The following COL12A1 variants were observed in gnomAD, a reference collection of about 807,000 sequenced individuals.
COL12A1 encodes collagen type XII alpha 1 chain, also known as collagen alpha-1(XII) chain.
In COL12A1, 114 loss-of-function variants were observed where a neutral mutation model predicts 349.7. The ratio of observed to expected loss-of-function variants is 0.33; its 90% CI spans 0.28 to 0.38. The LOEUF (loss-of-function observed/expected upper bound fraction) is 0.38, where lower values mean the gene tolerates loss of function less well. COL12A1 is among the 10% of genes least tolerant of loss of function. The pLI is 1.00. For synonymous variants in COL12A1, 1,369 were observed against 1,329.0 expected (o/e 1.03, Z -0.66); for missense variants, 3,284 against 3,756.9 (o/e 0.87, Z 3.29).
chr6:75,151,265 G>C lies in COL12A1; in HGVS notation c.4023C>G (p.Val1341=). Reference sequence around the variant, plus strand: ...GATCAGTTGCAATCATCTTTAATTCGACTTCATCAGCATTTTTAATACCTT... The same window carrying C: ...GATCAGTTGCAATCATCTTTAATTCCACTTCATCAGCATTTTTAATACCTT... ...FAIGIKNADE[V]ELKMIATDPD... Residue 1341 remains valine (V), a synonymous_variant, in exon 21 of 66, where the codon GTC becomes GTG. Coordinates refer to ENST00000322507, the MANE Select transcript of COL12A1 (RefSeq NM_004370.6). The C allele has an allele frequency of 1.2e-6, 2 of 1,612,798 alleles. No homozygotes were observed. Among genetic ancestry groups the C allele is most frequent in the Non-Finnish European group, 1.7e-6 (2 of 1,179,284 alleles).
intron 31 of COL12A1, among the ~76,000 whole-genome samples, chr6:75,135,754 G>A (rs755043455): frequency 1.1e-4 from 16 of 152,034 alleles, no homozygotes; most frequent in Non-Finnish European, 2.2e-4. Flanking sequence ...CCTCAATACG[G>A]ACAAACTGAA....
intron 59 of COL12A1, among the ~76,000 whole-genome samples, chr6:75,095,603 G>A (rs1319518198): frequency 1.5e-5 from 2 of 135,370 alleles, no homozygotes; most frequent in Non-Finnish European, 3.1e-5. Flanking sequence ...CGGCCTGGGC[G>A]ACAGAGCGAG....
In COL12A1 at chr6:75,102,651, G is replaced by A; in HGVS notation, c.8361C>T (p.Pro2787=). Residue 2787 remains proline, a synonymous_variant, in exon 56 of 66, where the codon CCC becomes CCT. Transcript: ENST00000322507. The part of the protein sequence containing the change: ...GPRGDIGPPG[P]QGPPGPQGPN... ...GTCCCTGAGGGCCTGGAGGACCCTG[G>A]GGGCCTGGAGGACCTATGTCTCCAC... 3 of 1,573,454 alleles carry A rather than the reference G, an allele frequency of 1.9e-6. No individual in the cohort carries two copies. Among genetic ancestry groups the A allele is most frequent in the East Asian group, 2.4e-5 (1 of 41,958 alleles).
intron 14 of COL12A1, 36 bp downstream of exon 14, chr6:75,165,471 C>T (rs772066341): frequency 5.6e-6 from 9 of 1,599,696 alleles, no homozygotes; most frequent in Middle Eastern, 1.7e-4. Context: ...TGGGTAGCAC[C>T]GGCACACACC....
At chr6:75,146,899 A>C (rs1261930719) in intron 23 of COL12A1, among the ~76,000 whole-genome samples, 1 of 152,258 alleles carries the variant, frequency 6.6e-6, no homozygotes, top group African/African-American at 2.4e-5. Flanking sequence ...AGAAGAGATA[A>C]GGATCTAAAA....
At chr6:75,187,862 G>C (rs1254468176) in intron 8 of COL12A1, among the ~76,000 whole-genome samples, 1 of 152,096 alleles carries the variant, frequency 6.6e-6, no homozygotes, top group Admixed American at 6.6e-5. Flanking sequence ...AATTTTCTAA[G>C]GGGAGGATCA....
At chr6:75,151,790 A>G in intron 20 of COL12A1, 77 bp downstream of exon 20, 1 of 1,417,074 alleles carries the variant, frequency 7.1e-7, no homozygotes, top group Non-Finnish European at 9.5e-7. Flanking sequence ...CATGCTTCAG[A>G]TAAAACTTCT....
intron 11 of COL12A1, among the ~76,000 whole-genome samples, chr6:75,178,343 C>G (rs966670744): frequency 1.3e-5 from 2 of 152,126 alleles, no homozygotes; most frequent in Non-Finnish European, 2.9e-5. Context: ...GAAAATAACA[C>G]CTAACACCCA....
At chr6:75,136,257 G>C (rs193194209) in intron 31 of COL12A1, among the ~76,000 whole-genome samples, 1 of 152,078 alleles carries the variant, frequency 6.6e-6, no homozygotes, top group Non-Finnish European at 1.5e-5. Flanking sequence ...CATCTAATTT[G>C]TCTTATTTTC....
At position 75,189,305 on chromosome 6, in the gene COL12A1, T is replaced by A; in HGVS notation, c.735A>T (p.Ala245=). Residue 245 remains alanine (A), a synonymous_variant, in exon 7 of 66, where the codon GCA becomes GCT. Coordinates refer to ENST00000322507, the MANE Select transcript of COL12A1 (RefSeq NM_004370.6). ...AGARVGFPKV[A]IIITDGKSQD... Reference sequence around the variant, plus strand: ...GGGATTTTCCATCCGTAATAATAATTGCCACTTTAGGAAAGCCAACTCTTG... The same window carrying A: ...GGGATTTTCCATCCGTAATAATAATAGCCACTTTAGGAAAGCCAACTCTTG... The A allele has an allele frequency of 6.2e-7, 1 of 1,613,208 alleles. No individual in the cohort carries two copies. Among genetic ancestry groups the A allele is most frequent in the Non-Finnish European group, 8.5e-7 (1 of 1,179,486 alleles).
chr6:75,121,695 G>A (rs371573465), intron 43 of COL12A1, among the ~76,000 whole-genome samples: 1 of 152,028 alleles, frequency 6.6e-6, no homozygotes, highest in Non-Finnish European at 1.5e-5. Context: ...CTCAATACCT[G>A]CTCTGGAATT....
At chr6:75,108,888 G>T in intron 52 of COL12A1, 130 bp downstream of exon 52, 4 of 957,418 alleles carry the variant, frequency 4.2e-6, no homozygotes, top group South Asian at 1.5e-5. Context: ...GTTTTGATCT[G>T]ACCAAGAAAT....
intron 49 of COL12A1, among the ~76,000 whole-genome samples, chr6:75,114,084 TATTATAAA>T (rs1020937716): frequency 1.3e-5 from 2 of 151,856 alleles, no homozygotes; most frequent in Non-Finnish European, 2.9e-5. Context: ...AGACACAGAG[TATTATAAA>T]ATTATATGAT....
chr6:75,108,566 C>T (rs958742965), intron 52 of COL12A1, among the ~76,000 whole-genome samples: 1 of 152,194 alleles, frequency 6.6e-6, no homozygotes, highest in African/African-American at 2.4e-5. Flanking sequence ...CCTTTTGATA[C>T]AGGCAGCCGA....
At chr6:75,147,949 T>C (rs1243537439) in intron 22 of COL12A1, 145 bp from the exon 23 acceptor site, 7 of 890,312 alleles carry the variant, frequency 7.9e-6, no homozygotes, top group African/African-American at 1.7e-5. Context: ...AACTATCAGA[T>C]TACAATGAGA....
intron 28 of COL12A1, 86 bp from the exon 29 acceptor site, chr6:75,138,666 A>T: frequency 6.4e-7 from 1 of 1,572,408 alleles, no homozygotes; most frequent in Non-Finnish European, 8.6e-7. Context: ...TATTCACATT[A>T]TTTAGCCAGA....
intron 58 of COL12A1, among the ~76,000 whole-genome samples, chr6:75,097,637 T>A (rs189981504): frequency 4.2e-4 from 64 of 152,314 alleles, no homozygotes; most frequent in Admixed American, 7.2e-4. Context: ...TTTTTGTTTT[T>A]GTAATAGCAT....
intron 8 of COL12A1, among the ~76,000 whole-genome samples, chr6:75,187,647 T>C (rs986882392): frequency 2.6e-5 from 4 of 152,108 alleles, no homozygotes; most frequent in Admixed American, 6.6e-5. Context: ...TGTTCAGAGA[T>C]TGAAGATTAA....
At chr6:75,115,205 CAT>C (rs1310249392) in intron 49 of COL12A1, among the ~76,000 whole-genome samples, 3 of 152,064 alleles carry the variant, frequency 2.0e-5, no homozygotes, top group African/African-American at 7.2e-5. Flanking sequence ...AATTGGCAAA[CAT>C]ATTTTTCAGC....
Sources: allele counts gnomAD v4.1 joint callset (sites outside exome capture counted in the v4.1 genomes callset), GRCh38; gene constraint gnomAD v4.1.1; transcripts MANE v1.5; gene names NCBI Gene and HGNC (gene_info 2026-07-23, HGNC 2026-07-21).